Variants in KIF6 observed in about 807,000 individuals in gnomAD.
KIF6 encodes the protein kinesin family member 6, also known as kinesin-like protein KIF6.
In KIF6, 106 loss-of-function variants were observed where a neutral mutation model predicts 112.7. The ratio of observed to expected loss-of-function variants is 0.94; its 90% CI spans 0.80 to 1.11. The LOEUF is 1.11. Among genes scored for constraint, KIF6 ranks in the 50% least tolerant of loss-of-function variants. The pLI, the probability that KIF6 is intolerant of heterozygous loss-of-function variation, is 0.00. For missense variants in KIF6, 929 were observed against 964.0 expected, an observed-to-expected ratio of 0.96 and a Z score of 0.48; for synonymous variants, 339 against 339.9, an observed-to-expected ratio of 1.00 and a Z score of 0.03.
At chr6:39,645,581 C>T (rs1260518903) in intron 3 of KIF6, among the ~76,000 whole-genome samples, 1 of 152,094 alleles carries the variant, frequency 6.6e-6, no homozygotes, top group African/African-American at 2.4e-5. Context: ...AGGATTTTTG[C>T]ATCGATGTTC....
intron 10 of KIF6, among the ~76,000 whole-genome samples, chr6:39,562,409 T>G (rs184185895): frequency 6.6e-6 from 1 of 152,208 alleles, no homozygotes; most frequent in Admixed American, 6.5e-5. Context: ...ATCATTTCTA[T>G]AAGACATACC....
At chr6:39,581,182 T>C (rs916506092) in intron 9 of KIF6, among the ~76,000 whole-genome samples, 80 of 149,488 alleles carry the variant, frequency 5.4e-4, no homozygotes, top group Middle Eastern at 3.5e-3. Flanking sequence ...TTTTTTTTTT[T>C]TTGACACAGA....
intron 16 of KIF6, among the ~76,000 whole-genome samples, chr6:39,377,063 C>T (rs1175975886): frequency 1.3e-5 from 2 of 152,060 alleles, no homozygotes; most frequent in East Asian, 1.9e-4. Flanking sequence ...GATCCCCTTC[C>T]GTTGTTTTCT....
intron 13 of KIF6, among the ~76,000 whole-genome samples, chr6:39,497,599 G>A (rs1242566105): frequency 6.7e-6 from 1 of 149,982 alleles, no homozygotes; most frequent in African/African-American, 2.4e-5. Flanking sequence ...ACCCAAACCT[G>A]GTCCATACAT....
chr6:39,679,395 C>T (rs987638050), intron 3 of KIF6, among the ~76,000 whole-genome samples: 11 of 152,060 alleles, frequency 7.2e-5, no homozygotes, highest in South Asian at 4.1e-4. Context: ...AGAAATGGAA[C>T]GGTGGGGGAC....
rs985408025 is a variant in KIF6, at chr6:39,592,701, G to A, written c.846+3353C>T. On this transcript the variant is annotated intron_variant, in intron 7 of 22. Coordinates refer to ENST00000287152, the MANE Select transcript of KIF6 (RefSeq NM_145027.6). Reference sequence around the variant, plus strand: ...GGCCAAGATGTACCCTGTTATTGTGGCTTAAAATGTTTTTGAGGAAACTTT... The same window carrying A: ...GGCCAAGATGTACCCTGTTATTGTGACTTAAAATGTTTTTGAGGAAACTTT... 2.6e-5 allele frequency among the ~76,000 whole-genome samples: 4 copies of A among 152,242 alleles called. No homozygotes were observed. The South Asian group carries it at 8.3e-4, about 32-fold the overall frequency.
intron 7 of KIF6, among the ~76,000 whole-genome samples, chr6:39,589,075 G>A (rs1052427634): frequency 6.6e-6 from 1 of 152,166 alleles, no homozygotes; most frequent in Non-Finnish European, 1.5e-5. Flanking sequence ...GTCCTGTCAT[G>A]TTCCCTGGGC....
intron 10 of KIF6, among the ~76,000 whole-genome samples, chr6:39,555,599 A>G (rs995642525): frequency 6.6e-6 from 1 of 151,974 alleles, no homozygotes; most frequent in African/African-American, 2.4e-5. Context: ...ATAGCCTCCC[A>G]CTCATTTCCA....
intron 10 of KIF6, among the ~76,000 whole-genome samples, chr6:39,548,425 C>T (rs1779180130): frequency 6.6e-6 from 1 of 152,190 alleles, no homozygotes; most frequent in African/African-American, 2.4e-5. Flanking sequence ...GAACTGATCG[C>T]TTTACTCTTT....
Position 39,582,752 on chromosome 6 carries a change from C to A in KIF6, c.1077+2146G>T, listed in dbSNP as rs542115435. On this transcript the variant is annotated intron_variant, in intron 9 of 22. Transcript: ENST00000287152. ...ACTTTTAAAGAAAGCAGGGCAAATC[C>A]TTATCGGCTGGCTCCATATTTGCCA... Among the ~76,000 whole-genome samples the A allele has an allele frequency of 2.0e-5, 3 of 152,254 alleles. No individual in the cohort carries two copies. The South Asian group carries it at 6.2e-4, about 32-fold the overall frequency.
At chr6:39,528,430 C>T (rs751380616) in intron 13 of KIF6, among the ~76,000 whole-genome samples, 1 of 152,200 alleles carries the variant, frequency 6.6e-6, no homozygotes, top group Non-Finnish European at 1.5e-5. Context: ...CATGGGAATG[C>T]AGACATGTCT....
At chr6:39,653,136 C>A (rs1221318694) in intron 3 of KIF6, among the ~76,000 whole-genome samples, 1 of 152,184 alleles carries the variant, frequency 6.6e-6, no homozygotes, top group Non-Finnish European at 1.5e-5. Flanking sequence ...TAAAACCACA[C>A]CTTTGTTGCT....
intron 3 of KIF6, among the ~76,000 whole-genome samples, chr6:39,670,729 G>T (rs1238975516): frequency 6.6e-6 from 1 of 152,164 alleles, no homozygotes; most frequent in Non-Finnish European, 1.5e-5. Flanking sequence ...CACTCAAAAA[G>T]TGCTCTAGGT....
intron 13 of KIF6, among the ~76,000 whole-genome samples, chr6:39,454,396 A>G (rs1423002805): frequency 6.6e-6 from 1 of 152,166 alleles, no homozygotes; most frequent in Non-Finnish European, 1.5e-5. Context: ...AGGCAATATT[A>G]GAAAAGATAA....
chr6:39,363,717 T>C (rs1036041820), intron 16 of KIF6, among the ~76,000 whole-genome samples: 1 of 152,234 alleles, frequency 6.6e-6, no homozygotes, highest in Non-Finnish European at 1.5e-5. Context: ...TGAATCCTTA[T>C]AGCATTTATT....
intron 7 of KIF6, among the ~76,000 whole-genome samples, chr6:39,589,716 A>T (rs1781830003): frequency 6.6e-6 from 1 of 152,162 alleles, no homozygotes; most frequent in African/African-American, 2.4e-5. Flanking sequence ...CTTCTGAGGC[A>T]GTTGCAGGGA....
chr6:39,511,636 T>C (rs2150510635), intron 13 of KIF6, among the ~76,000 whole-genome samples: 1 of 152,316 alleles, frequency 6.6e-6, no homozygotes, highest in Admixed American at 6.5e-5. Flanking sequence ...TAAAGACACA[T>C]GCACATGTAT....
chr6:39,367,844 G>A (rs759932251), intron 16 of KIF6, among the ~76,000 whole-genome samples: 2 of 152,100 alleles, frequency 1.3e-5, no homozygotes, highest in Non-Finnish European at 2.9e-5. Flanking sequence ...TGGTTCAATG[G>A]TTCTCAACTG....
At chr6:39,624,201 T>C (rs1252318834) in intron 5 of KIF6, among the ~76,000 whole-genome samples, 2 of 152,196 alleles carry the variant, frequency 1.3e-5, no homozygotes, top group Non-Finnish European at 2.9e-5. Flanking sequence ...AGGTGTTTCA[T>C]GTGTATACCC....
Sources: gnomAD v4.1 joint callset for allele counts (sites outside exome capture counted in the v4.1 genomes callset) on GRCh38, gnomAD v4.1.1 for gene constraint, MANE v1.5 for transcripts, NCBI Gene and HGNC (gene_info 2026-07-23, HGNC 2026-07-21) for gene names.